ANK3: variants seen among roughly 807,000 people sequenced by gnomAD.
ANK3 encodes ankyrin-3.
In ANK3, 57 loss-of-function variants were observed where a neutral mutation model predicts 370.9. The ratio of observed to expected loss-of-function variants is 0.15; its 90% confidence interval spans 0.12 to 0.19. The LOEUF is 0.19. Among genes scored for constraint, ANK3 ranks in the 10% least tolerant of loss-of-function variants. The pLI is 1.00. For missense variants in ANK3, 4,439 were observed against 5,302.1 expected (o/e 0.84, Z 5.06); for synonymous variants, 1,929 against 1,946.3 (o/e 0.99, Z 0.23).
intron 42 of ANK3, among the ~76,000 whole-genome samples, chr10:60,051,190 A>C (rs2077915241): frequency 6.6e-6 from 1 of 152,200 alleles, no homozygotes; most frequent in Non-Finnish European, 1.5e-5. Context: ...GCTCATTCAC[A>C]TAACACTTCT....
intron 1 of ANK3, among the ~76,000 whole-genome samples, chr10:60,364,035 T>C (rs1250984293): frequency 6.7e-6 from 1 of 150,192 alleles, no homozygotes; most frequent in African/African-American, 2.5e-5. Flanking sequence ...GGCTCAAGCC[T>C]GTAATCCCAG....
At chr10:60,108,779 A>T (rs762567905) in intron 27 of ANK3, 51 bp downstream of exon 27, 2 of 1,504,368 alleles carry the variant, frequency 1.3e-6, no homozygotes, top group Non-Finnish European at 9.2e-7. Flanking sequence ...GGGTAAAGAA[A>T]ATCAAAGATG....
chr10:60,254,313 T>C (rs2097706882), intron 7 of ANK3, among the ~76,000 whole-genome samples: 1 of 152,070 alleles, frequency 6.6e-6, no homozygotes, highest in African/African-American at 2.4e-5. Flanking sequence ...GGAGAGCCGT[T>C]AGTATTTTAA....
At position 60,198,445 on chromosome 10, in the gene ANK3, G is replaced by A. The variant is rs2096621081; in HGVS notation, c.1584C>T (p.Ala528=). 6.2e-7 allele frequency: 1 copy of A among 1,614,194 alleles called. No homozygotes were observed. Residue 528 remains alanine (A), a synonymous_variant, in exon 14 of 44, where the codon GCC becomes GCT. Transcript: ENST00000280772. ...LLQQGASPNA[A]TTSGYTPLHL... ...GAAGTGGGGTGTACCCAGAAGTTGT[G>A]GCTGCATTTGGAGATGCCCCTTGCT... is the stretch of plus-strand genomic sequence containing the variant.
At position 60,328,869 on chromosome 10, in the gene ANK3, A is replaced by G. The variant is rs190346863; in HGVS notation, c.115-49230T>C. 5.1e-4 allele frequency among the ~76,000 whole-genome samples: 78 copies of G among 152,338 alleles called. 1 individual carries two copies. Among genetic ancestry groups the G allele is most frequent in the African/African-American group, 1.7e-3 (70 of 41,572 alleles). ...AGGCCAATATCCCTGATGAACATCA[A>G]TGTGAAAATCTTCAATAAAATACTG... On this transcript the variant is annotated intron_variant, in intron 1 of 43. Transcript: ENST00000280772.
intron 23 of ANK3, among the ~76,000 whole-genome samples, chr10:60,158,579 T>A (rs754776284): frequency 2.6e-5 from 4 of 151,328 alleles, no homozygotes; most frequent in Non-Finnish European, 4.4e-5. Context: ...TAATTGATTA[T>A]AAGATGTTAT....
intron 25 of ANK3, among the ~76,000 whole-genome samples, chr10:60,131,269 C>T (rs184268171): frequency 3.9e-5 from 6 of 152,256 alleles, no homozygotes; most frequent in South Asian, 2.1e-4. Flanking sequence ...TCTCATTTCC[C>T]GCTCTGAAAT....
At chr10:60,196,682 A>T (rs944831083) in intron 14 of ANK3, 57 bp from the exon 15 acceptor site, 2 of 1,154,424 alleles carry the variant, frequency 1.7e-6, no homozygotes, top group African/African-American at 3.1e-5. Context: ...AGGAAAACAC[A>T]CACAAAACCC....
At chr10:60,097,037 T>C (rs1439558253) in intron 28 of ANK3, among the ~76,000 whole-genome samples, 1 of 152,168 alleles carries the variant, frequency 6.6e-6, no homozygotes, top group East Asian at 1.9e-4. Context: ...GAGAAGTGAG[T>C]TCTGAAATAG....
chr10:60,316,687 C>T (rs1003277817), intron 1 of ANK3, among the ~76,000 whole-genome samples: 32 of 152,200 alleles, frequency 2.1e-4, no homozygotes, highest in African/African-American at 6.7e-4. Flanking sequence ...AACCCTGTCT[C>T]GCATATGCCT....
chr10:60,695,536 A>G (rs1270680751), intron 1 of ANK3, among the ~76,000 whole-genome samples: 5 of 152,204 alleles, frequency 3.3e-5, no homozygotes, highest in Non-Finnish European at 7.3e-5. Context: ...AAGAACAGAA[A>G]TTATAACAAA....
intron 23 of ANK3, among the ~76,000 whole-genome samples, chr10:60,157,884 AAAAG>A (rs2095383702): frequency 1.1e-5 from 1 of 88,218 alleles, no homozygotes; most frequent in African/African-American, 4.1e-5. Flanking sequence ...GAGAGAGAGA[AAAAG>A]AGAGAGAGAG....
chr10:60,684,627 G>T (rs1371816157), intron 1 of ANK3: 96 of 1,589,888 alleles, frequency 6.0e-5, no homozygotes, highest in Non-Finnish European at 8.1e-5. Flanking sequence ...ACAGGCTGCA[G>T]TTCAATGAAT....
rs148787874 is a variant in ANK3 at position 60,122,295 on chromosome 10, A to G, written c.2842-7964T>C. 3.2e-4 allele frequency among the ~76,000 whole-genome samples: 48 copies of G among 152,370 alleles called. No homozygotes were observed. The East Asian group carries it at 9.1e-3, about 29-fold the overall frequency. ...TCTGCTCAGATCCAGTTTTCAATCT[A>G]TGGGCACAGAGAGTGAGCAGTCTCC... On this transcript the variant is annotated intron_variant, in intron 25 of 43. Coordinates refer to ENST00000280772, the MANE Select transcript of ANK3 (RefSeq NM_020987.5).
At chr10:60,438,685 G>A (rs1300674101) in intron 2 of ANK3, among the ~76,000 whole-genome samples, 1 of 152,200 alleles carries the variant, frequency 6.6e-6, no homozygotes, top group African/African-American at 2.4e-5. Flanking sequence ...AACCTCAATG[G>A]AGCCTTGAGC....
chr10:60,046,585 T>C (rs1410612401), intron 42 of ANK3, among the ~76,000 whole-genome samples: 2 of 152,076 alleles, frequency 1.3e-5, no homozygotes, highest in African/African-American at 4.8e-5. Context: ...CTTAGATTAA[T>C]AGCCTTACAA....
chr10:60,488,864 T>C (rs10821773), intron 2 of ANK3, among the ~76,000 whole-genome samples: 34,843 of 152,166 alleles, frequency 0.23, 4,333 homozygotes, highest in East Asian at 0.48. Context: ...CATATGTTAC[T>C]GGAGGATGTT....
intron 2 of ANK3, among the ~76,000 whole-genome samples, chr10:60,559,094 T>C (rs7088259): frequency 0.68 from 102,866 of 152,016 alleles, 35,555 homozygotes; most frequent in South Asian, 0.88. Context: ...ATGAGAACAA[T>C]AGTTACTATA....
intron 2 of ANK3, among the ~76,000 whole-genome samples, chr10:60,583,236 T>C (rs902573028): frequency 6.6e-6 from 1 of 152,176 alleles, no homozygotes; most frequent in Non-Finnish European, 1.5e-5. Flanking sequence ...GAACATTACC[T>C]GAAGCGAAAT....
Sources: gnomAD v4.1 joint callset for allele counts (sites outside exome capture counted in the v4.1 genomes callset) on GRCh38, gnomAD v4.1.1 for gene constraint, MANE v1.5 for transcripts, NCBI Gene and HGNC (gene_info 2026-07-23, HGNC 2026-07-21) for gene names.